The following FRMPD4 variants were observed in gnomAD, a reference collection of about 807,000 sequenced individuals.
FRMPD4 encodes the protein FERM and PDZ domain-containing protein 4.
A neutral mutation model predicts 94.1 loss-of-function variants in FRMPD4; 22 were observed. That is an observed-to-expected ratio of 0.23 (90% CI 0.17 to 0.33). The LOEUF is 0.33. FRMPD4 is among the 10% of genes least tolerant of loss of function. The probability of loss-of-function intolerance (pLI) is 1.00; values close to 1 mark genes in which losing one functional copy is unlikely to be tolerated. For missense variants in FRMPD4, 1,111 were observed against 1,339.9 expected (o/e 0.83, Z 2.67); for synonymous variants, 631 against 548.6 (o/e 1.15, Z -2.10).
chrX:12,078,866 G>A (rs1188799052), intron 3 of FRMPD4, among the ~76,000 whole-genome samples: 1 of 111,727 alleles, frequency 9.0e-6, no homozygotes, highest in Non-Finnish European at 1.9e-5. Context: ...GGAAAGTGTC[G>A]CTTGGTAAGT....
At chrX:12,031,894 G>A (rs1285768135) in intron 3 of FRMPD4, among the ~76,000 whole-genome samples, 1 of 111,674 alleles carries the variant, frequency 9.0e-6, no homozygotes, top group Non-Finnish European at 1.9e-5. Context: ...AACTATGGCA[G>A]TGGGAGGTGA....
chrX:12,056,552 T>C (rs1209144124), intron 3 of FRMPD4, among the ~76,000 whole-genome samples: 1 of 111,446 alleles, frequency 9.0e-6, no homozygotes, highest in African/African-American at 3.3e-5. Context: ...TTCTAGTTTC[T>C]ACGACACCTT....
At chrX:11,849,856 A>G (rs987353535) in intron 1 of FRMPD4, among the ~76,000 whole-genome samples, 1 of 111,545 alleles carries the variant, frequency 9.0e-6, no homozygotes, top group Non-Finnish European at 1.9e-5. Context: ...AAACTTCATG[A>G]CTTTGGATTT....
chrX:12,444,151 A>G (rs1320578920), intron 1 of FRMPD4, among the ~76,000 whole-genome samples: 2 of 110,189 alleles, frequency 1.8e-5, no homozygotes, highest in African/African-American at 6.6e-5. Context: ...AGGGAGACAT[A>G]GGGGTTATTC....
intron 12 of FRMPD4, 41 bp from the exon 13 acceptor site, chrX:12,707,428 A>G (rs763761246): frequency 7.8e-6 from 8 of 1,023,041 alleles, no homozygotes; most frequent in Non-Finnish European, 8.0e-6. Flanking sequence ...ATAGCATTTC[A>G]GAGGTTCAGT....
chrX:12,485,192 G>T (rs183050847), intron 1 of FRMPD4, among the ~76,000 whole-genome samples: 2 of 112,655 alleles, frequency 1.8e-5, no homozygotes, highest in East Asian at 2.8e-4. Context: ...AGTAGTACAA[G>T]AAATGATTCT....
intron 3 of FRMPD4, among the ~76,000 whole-genome samples, chrX:12,017,320 C>T: frequency 8.9e-6 from 1 of 112,320 alleles, no homozygotes; most frequent in East Asian, 2.8e-4. Context: ...CATATTCCAG[C>T]CACAAAATAG....
chrX:12,339,619 A>ATT (rs767456295), intron 1 of FRMPD4, among the ~76,000 whole-genome samples: 3,774 of 101,815 alleles, frequency 0.037, 197 homozygotes, highest in African/African-American at 0.13. Flanking sequence ...AGTTTAATGA[A>ATT]TTTTTTTTTT....
chrX:12,578,608 G>A (rs776217019), intron 2 of FRMPD4, among the ~76,000 whole-genome samples: 1 of 111,409 alleles, frequency 9.0e-6, no homozygotes, highest in East Asian at 2.8e-4. Flanking sequence ...TACTGTTTTC[G>A]AACCCTTTTT....
chrX:12,397,254 C>CT lies in FRMPD4; in HGVS notation c.42-101418dup, dbSNP rs201820949. The stretch of plus-strand genomic sequence containing the variant: ...GAAGGATGAGCAATGTTTACAGAAA[C>CT]TTTTTTTTAAAAAAAAAAATACATG... On this transcript the variant is annotated intron_variant, in intron 1 of 16. Coordinates refer to ENST00000675598, the MANE Select transcript of FRMPD4 (RefSeq NM_001368397.1). Among the ~76,000 whole-genome samples the CT allele has an allele frequency of 8.1e-4, 88 of 108,662 alleles. 2 individuals carry two copies. Among genetic ancestry groups the CT allele is most frequent in the African/African-American group, 1.0e-4 (3 of 29,908 alleles). 94.4% of individuals were successfully genotyped at this position (108,662 alleles called of 115,157 possible). A position where few individuals can be genotyped will look rare whatever the true frequency, so the allele number is the denominator to read the frequency against.
chrX:11,864,213 G>A (rs1396705144), intron 1 of FRMPD4, among the ~76,000 whole-genome samples: 1 of 109,707 alleles, frequency 9.1e-6, no homozygotes, highest in Non-Finnish European at 1.9e-5. Flanking sequence ...TAACATCTAC[G>A]GGAATAACTG....
chrX:12,443,908 C>T (rs2057165866), intron 1 of FRMPD4, among the ~76,000 whole-genome samples: 1 of 112,074 alleles, frequency 8.9e-6, no homozygotes, highest in Non-Finnish European at 1.9e-5. Flanking sequence ...AAAACTTCAA[C>T]TTGCATATCA....
chrX:12,304,967 G>A (rs1410912119), intron 1 of FRMPD4, among the ~76,000 whole-genome samples: 3 of 111,612 alleles, frequency 2.7e-5, no homozygotes, highest in East Asian at 2.8e-4. Flanking sequence ...GTTGCAGCCC[G>A]CCGCAAGATT....
chrX:12,651,842 G>A, intron 4 of FRMPD4, among the ~76,000 whole-genome samples: 1 of 112,364 alleles, frequency 8.9e-6, no homozygotes, highest in African/African-American at 3.2e-5. Flanking sequence ...GCATAAGAAT[G>A]TGATTTTTTT....
intron 1 of FRMPD4, among the ~76,000 whole-genome samples, chrX:12,250,072 T>TTGTGTGTG (rs72178576): frequency 2.2e-5 from 2 of 91,442 alleles, no homozygotes; most frequent in Admixed American, 1.2e-4. Flanking sequence ...GTTTGTGTGT[T>TTGTGTGTG]TGTGTGTGTG....
intron 2 of FRMPD4, among the ~76,000 whole-genome samples, chrX:12,528,121 C>G (rs963160694): frequency 1.3e-4 from 15 of 111,156 alleles, no homozygotes; most frequent in African/African-American, 4.3e-4. Context: ...ATTCATTCAA[C>G]TAATATTAAC....
intron 2 of FRMPD4, among the ~76,000 whole-genome samples, chrX:12,596,285 G>A (rs1007312010): frequency 1.5e-4 from 17 of 111,528 alleles, no homozygotes; most frequent in South Asian, 7.6e-4. Context: ...ATTTCAGTAC[G>A]ATTTAGGTAA....
chrX:12,181,041 G>T (rs2056352095), intron 1 of FRMPD4, among the ~76,000 whole-genome samples: 1 of 111,856 alleles, frequency 8.9e-6, no homozygotes, highest in Admixed American at 9.5e-5. Context: ...TCCAAAGTCA[G>T]AGAAGGAAGA....
rs754169999 is a variant in FRMPD4, at chrX:11,941,694, C to T, written c.95+63676C>T. Among the ~76,000 whole-genome samples, 6 of 112,505 alleles carry T rather than the reference C, an allele frequency of 5.3e-5. 1 individual carries two copies. In the South Asian group the frequency reaches 1.1e-3, roughly 21 times the overall value. On this transcript the variant is annotated intron_variant, in intron 3 of 18. Transcript: ENST00000640291. ...AGAAATCCGGTCGGCTTCAAGCAAG[C>T]GTCTAGATTTATCCCATAGTTTAAA...
Sources: allele counts gnomAD v4.1 joint callset (sites outside exome capture counted in the v4.1 genomes callset), GRCh38; gene constraint gnomAD v4.1.1; transcripts MANE v1.5; gene names NCBI Gene and HGNC (gene_info 2026-07-23, HGNC 2026-07-21).